Variants in GSG1L observed in about 807,000 individuals in gnomAD.
GSG1L encodes the protein germ cell-specific gene 1-like protein.
GSG1L carries 24 observed loss-of-function variants against 42.1 expected under a neutral mutation model. That is an observed-to-expected ratio of 0.57 (90% CI 0.41 to 0.80). GSG1L has a LOEUF of 0.80. Ranked by LOEUF, GSG1L falls within the 30% of genes least tolerant of loss-of-function variation. GSG1L has a pLI of 0.00. For synonymous variants in GSG1L, 215 were observed against 203.5 expected (o/e 1.06, Z -0.48); for missense variants, 445 against 472.2 (o/e 0.94, Z 0.53).
intron 3 of GSG1L, among the ~76,000 whole-genome samples, chr16:27,855,170 C>T (rs542873103): frequency 2.2e-4 from 34 of 152,306 alleles, no homozygotes; most frequent in African/African-American, 8.2e-4. Context: ...AAGGGATCCT[C>T]CCCCTGGTGG....
Position 27,888,483 on chromosome 16 carries a change from C to T in GSG1L, c.398-3845G>A, listed in dbSNP as rs1361040725. On this transcript the variant is annotated intron_variant, in intron 2 of 6. Coordinates refer to ENST00000447459, the MANE Select transcript of GSG1L (RefSeq NM_001109763.2). ...TTCTTTCTCTCTCTCTCTCTCTTTC[C>T]TTTCTTTCTTTCTTTCTTTCTTTCT... 3.0e-3 allele frequency among the ~76,000 whole-genome samples: 16 copies of T among 5,370 alleles called. 1 individual carries two copies. The highest frequency in any genetic ancestry group is 8.1e-3 in the South Asian group (1 of 124). 3.5% of individuals were successfully genotyped at this position (5,370 alleles called of 152,430 possible).
intron 1 of GSG1L, among the ~76,000 whole-genome samples, chr16:28,057,660 C>T (rs1490867863): frequency 2.0e-5 from 3 of 152,190 alleles, no homozygotes; most frequent in South Asian, 2.1e-4. Flanking sequence ...TCTGCAGCCT[C>T]GGGTCAGATG....
intron 2 of GSG1L, among the ~76,000 whole-genome samples, chr16:27,951,312 A>G (rs1307005752): frequency 1.3e-5 from 2 of 152,212 alleles, no homozygotes; most frequent in African/African-American, 4.8e-5. Context: ...TATTATCTCC[A>G]TACTATCTGG....
chr16:27,935,888 C>A (rs1357106843), intron 2 of GSG1L, among the ~76,000 whole-genome samples: 1 of 147,304 alleles, frequency 6.8e-6, no homozygotes, highest in East Asian at 2.0e-4. Context: ...ACCTTCACTG[C>A]TCAGCCTGCA....
chr16:27,803,779 A>ATC (rs2082912883), intron 6 of GSG1L, among the ~76,000 whole-genome samples: 1 of 83,366 alleles, frequency 1.2e-5, no homozygotes, highest in African/African-American at 5.0e-5. Flanking sequence ...ATATATATAT[A>ATC]TATATATATA....
In GSG1L at chr16:27,791,140, C is replaced by T. The variant is rs377571363; in HGVS notation, c.*230G>A. On this transcript the variant is annotated 3_prime_UTR_variant, in exon 7 of 7. Transcript: ENST00000447459. Reference sequence around the variant, plus strand: ...ATGGCAAGAGTCCGGGGCTGCTGTCCCAAAGTCACTCTGTGCAGCCCTGTG... The same window carrying T: ...ATGGCAAGAGTCCGGGGCTGCTGTCTCAAAGTCACTCTGTGCAGCCCTGTG... The T allele has an allele frequency of 2.2e-4, 85 of 379,224 alleles. 1 individual carries two copies. The South Asian group carries it at 0.012, about 52-fold the overall frequency. The allele number at this position is 379,224 out of a possible 1,614,324, so 23.5% of individuals were successfully genotyped here. A position where few individuals can be genotyped will look rare whatever the true frequency, so the allele number is the denominator to read the frequency against.
At chr16:27,835,939 A>T (rs1471422827) in intron 4 of GSG1L, among the ~76,000 whole-genome samples, 2 of 152,130 alleles carry the variant, frequency 1.3e-5, no homozygotes, top group Non-Finnish European at 2.9e-5. Context: ...TCCATTTTTC[A>T]TTCATTCTTT....
intron 6 of GSG1L, among the ~76,000 whole-genome samples, chr16:27,796,835 T>C (rs1360763502): frequency 6.6e-6 from 1 of 152,170 alleles, no homozygotes; most frequent in African/African-American, 2.4e-5. Flanking sequence ...GGCCCCTGAT[T>C]CCTCAGTCCT....
chr16:27,969,222 A>G (rs1047167703), intron 1 of GSG1L, among the ~76,000 whole-genome samples: 2 of 152,224 alleles, frequency 1.3e-5, no homozygotes, highest in Non-Finnish European at 2.9e-5. Flanking sequence ...AATCAATTTT[A>G]AAACGTTTTC....
intron 2 of GSG1L, among the ~76,000 whole-genome samples, chr16:27,937,434 G>A (rs1456555865): frequency 6.6e-6 from 1 of 150,706 alleles, no homozygotes; most frequent in Non-Finnish European, 1.5e-5. Context: ...TACAGACAGG[G>A]TTTCACCATG....
At chr16:28,017,370 T>C (rs2085793485) in intron 1 of GSG1L, among the ~76,000 whole-genome samples, 1 of 152,162 alleles carries the variant, frequency 6.6e-6, no homozygotes, top group Admixed American at 6.5e-5. Context: ...GTCACTACTG[T>C]GTGAGGATAA....
intron 1 of GSG1L, among the ~76,000 whole-genome samples, chr16:28,012,289 T>A (rs1028058824): frequency 1.3e-5 from 2 of 151,862 alleles, no homozygotes; most frequent in African/African-American, 4.8e-5. Context: ...ATGGCACACA[T>A]CATGTGGTAT....
chr16:27,840,571 C>T (rs774493192), intron 4 of GSG1L, among the ~76,000 whole-genome samples: 5 of 152,324 alleles, frequency 3.3e-5, no homozygotes. Context: ...GAGTGCTCCA[C>T]ATGCATTGAT....
At chr16:27,862,346 C>T (rs540686459) in intron 3 of GSG1L, among the ~76,000 whole-genome samples, 1 of 152,122 alleles carries the variant, frequency 6.6e-6, no homozygotes, top group Admixed American at 6.5e-5. Context: ...CTGAAAGAAA[C>T]CAAAAGGAGC....
At chr16:27,970,949 AAATT>A (rs925507557) in intron 1 of GSG1L, among the ~76,000 whole-genome samples, 20 of 152,216 alleles carry the variant, frequency 1.3e-4, no homozygotes, top group African/African-American at 4.8e-4. Context: ...CACTTGCCAA[AAATT>A]AATTGACTAT....
At chr16:27,822,611 G>A (rs566409220) in intron 5 of GSG1L, among the ~76,000 whole-genome samples, 2 of 152,174 alleles carry the variant, frequency 1.3e-5, no homozygotes, top group East Asian at 3.9e-4. Flanking sequence ...TAGAGACAGG[G>A]TCTTGCTATG....
At chr16:27,907,904 A>G (rs1187744897) in intron 2 of GSG1L, among the ~76,000 whole-genome samples, 1 of 152,118 alleles carries the variant, frequency 6.6e-6, no homozygotes, top group Non-Finnish European at 1.5e-5. Flanking sequence ...CCCATGCTCC[A>G]CAAACTTGTC....
At chr16:27,919,408 C>T (rs1460063475) in intron 2 of GSG1L, among the ~76,000 whole-genome samples, 1 of 152,192 alleles carries the variant, frequency 6.6e-6, no homozygotes, top group East Asian at 1.9e-4. Flanking sequence ...CCCAACCATT[C>T]TCTCTTTCTG....
chr16:27,818,478 G>A (rs149792695), intron 5 of GSG1L, among the ~76,000 whole-genome samples: 27 of 152,160 alleles, frequency 1.8e-4, no homozygotes, highest in African/African-American at 6.5e-4. Context: ...AAGAATGAAC[G>A]GCGATTTCAA....
Sources: allele counts gnomAD v4.1 joint callset (sites outside exome capture counted in the v4.1 genomes callset), GRCh38; gene constraint gnomAD v4.1.1; transcripts MANE v1.5; gene names NCBI Gene and HGNC (gene_info 2026-07-23, HGNC 2026-07-21).